LRRCC1: variants seen among roughly 807,000 people sequenced by gnomAD.
LRRCC1 encodes the protein leucine rich repeat and coiled-coil centrosomal protein 1, also known as leucine-rich repeat and coiled-coil domain-containing protein 1.
LRRCC1 carries 115 observed loss-of-function variants against 126.0 expected under a neutral mutation model. The ratio of observed to expected loss-of-function variants is 0.91; its 90% CI spans 0.78 to 1.07. The LOEUF (loss-of-function observed/expected upper bound fraction) is 1.07, where lower values mean the gene tolerates loss of function less well. LRRCC1 is among the 50% of genes least tolerant of loss of function. The probability of loss-of-function intolerance (pLI) is 0.00; values close to 1 mark genes in which losing one functional copy is unlikely to be tolerated. For synonymous variants in LRRCC1, 400 were observed against 393.4 expected (o/e 1.02, Z -0.20); for missense variants, 1,172 against 1,175.7 (o/e 1.00, Z 0.05).
chr8:85,139,559 C>T (rs1299796935), intron 17 of LRRCC1, among the ~76,000 whole-genome samples: 1 of 152,098 alleles, frequency 6.6e-6, no homozygotes, highest in Non-Finnish European at 1.5e-5. Context: ...AGCCACCACG[C>T]CCGGCCGAGA....
intron 6 of LRRCC1, among the ~76,000 whole-genome samples, chr8:85,122,382 A>G (rs1809626389): frequency 6.6e-6 from 1 of 151,860 alleles, no homozygotes; most frequent in South Asian, 2.1e-4. Flanking sequence ...AGACTTTTTG[A>G]TATTGTCTCA....
At chr8:85,112,561 T>C (rs1175544201) in intron 3 of LRRCC1, among the ~76,000 whole-genome samples, 2 of 152,222 alleles carry the variant, frequency 1.3e-5, no homozygotes, top group African/African-American at 4.8e-5. Context: ...AAAATTGAAG[T>C]GTACTACAGA....
Position 85,126,774 on chromosome 8 carries a change from A to C in LRRCC1, c.1358A>C (p.Glu453Ala). Reference protein sequence around the residue: ...AENKLMDYIDELHKHANEKED... With the variant: ...AENKLMDYIDALHKHANEKED... Reference sequence around the variant, plus strand: ...AATAAACTCATGGATTATATTGATGAGCTGCATAAACATGCAAATGAAAAA... The same window carrying C: ...AATAAACTCATGGATTATATTGATGCGCTGCATAAACATGCAAATGAAAAA... Residue 453 changes from glutamate to alanine, a missense_variant, in exon 9 of 19, where the codon GAG becomes GCG. Coordinates refer to ENST00000360375, the MANE Select transcript of LRRCC1 (RefSeq NM_033402.5). The C allele has an allele frequency of 6.2e-7, 1 of 1,612,906 alleles. No homozygotes were observed. The highest frequency in any genetic ancestry group is 8.5e-7 in the Non-Finnish European group (1 of 1,179,614).
chr8:85,126,935 C>T (rs1373142245), intron 9 of LRRCC1, 98 bp downstream of exon 9: 9 of 1,029,676 alleles, frequency 8.7e-6, no homozygotes, highest in Non-Finnish European at 1.2e-5. Context: ...CAATCAACAA[C>T]AATGTATGTG....
intron 12 of LRRCC1, among the ~76,000 whole-genome samples, chr8:85,132,458 T>C (rs1810554780): frequency 6.6e-6 from 1 of 150,376 alleles, no homozygotes; most frequent in East Asian, 2.0e-4. Flanking sequence ...AGTGGCATGA[T>C]CTTGGCTCAC....
Position 85,138,393 on chromosome 8 carries a change from C to G in LRRCC1, c.2758C>G (p.Gln920Glu). The change falls in exon 17 of 19, where the codon CAA (glutamine) becomes GAA (glutamate). Residue 920 changes from glutamine (Q) to glutamate (E), a missense_variant. Transcript: ENST00000360375. ...KGELLCHLETQVKEVKEKFEN... is the reference protein window; with the variant it reads ...KGELLCHLETEVKEVKEKFEN... ...AGAACTTCTATGTCATCTTGAAACACAAGTAAAAGAAGTGAAAGAAAAATT... is the reference window on the plus strand; with the variant it reads ...AGAACTTCTATGTCATCTTGAAACAGAAGTAAAAGAAGTGAAAGAAAAATT... The G allele has an allele frequency of 6.2e-7, 1 of 1,611,324 alleles. No homozygotes were observed. The highest frequency in any genetic ancestry group is 8.5e-7 in the Non-Finnish European group (1 of 1,178,552).
chr8:85,109,679 T>G lies in LRRCC1; in HGVS notation c.189T>G (p.His63Gln). ...TCTCCAAGATCGAAGCCATTGATCA[T>G]ATTTGGAATTTACAACATCTAGATC... The part of the protein sequence containing the change: ...NNISKIEAID[H>Q]IWNLQHLDLS... Residue 63 changes from histidine to glutamine, a missense_variant, in exon 2 of 19, where the codon CAT becomes CAG. His to Gln is a conservative substitution (Grantham distance 24). Transcript: ENST00000360375. 6.2e-7 allele frequency: 1 copy of G among 1,610,350 alleles called. No individual in the cohort carries two copies. Among genetic ancestry groups the G allele is most frequent in the Non-Finnish European group, 8.5e-7 (1 of 1,176,872 alleles).
chr8:85,127,543 T>G (rs893878556), intron 9 of LRRCC1, among the ~76,000 whole-genome samples: 5 of 152,190 alleles, frequency 3.3e-5, no homozygotes, highest in African/African-American at 1.2e-4. Flanking sequence ...AAGTTGCTCT[T>G]GGTTCCATTT....
intron 6 of LRRCC1, among the ~76,000 whole-genome samples, chr8:85,117,866 A>G (rs34103685): frequency 0.51 from 77,993 of 152,006 alleles, 23,613 homozygotes; most frequent in Non-Finnish European, 0.66. Flanking sequence ...CTTCCTAAAT[A>G]CTAAGCATGC....
In LRRCC1 at chr8:85,137,607, A is replaced by G. The variant is rs762522334; in HGVS notation, c.2473A>G (p.Thr825Ala). 2.7e-6 allele frequency: 4 copies of G among 1,467,082 alleles called. No individual in the cohort carries two copies. The Admixed American group carries it at 1.1e-4, about 39-fold the overall frequency. The allele number at this position is 1,467,082 out of a possible 1,614,324, so 90.9% of individuals were successfully genotyped here. A position where few individuals can be genotyped will look rare whatever the true frequency, so the allele number is the denominator to read the frequency against. ...KCKIIDDQTE[T>A]IRKLKDCLQE... ...CAAAATCATAGACGACCAAACTGAAACTATTAGAAAATTAAAAGATGTAAG... is the reference window on the plus strand; with the variant it reads ...CAAAATCATAGACGACCAAACTGAAGCTATTAGAAAATTAAAAGATGTAAG... Residue 825 changes from threonine to alanine, a missense_variant, in exon 15 of 19, where the codon ACT (threonine) becomes GCT (alanine). Coordinates refer to ENST00000360375, the MANE Select transcript of LRRCC1 (RefSeq NM_033402.5).
intron 1 of LRRCC1, chr8:85,107,748 G>A: frequency 5.7e-6 from 1 of 176,454 alleles, no homozygotes; most frequent in Admixed American, 6.2e-5. Context: ...CCGTTTAATT[G>A]CTGGTTTTCT....
At position 85,115,275 on chromosome 8, in the gene LRRCC1, G is replaced by A. The variant is rs934621913; in HGVS notation, c.720G>A (p.Glu240=). 1.3e-6 allele frequency: 2 copies of A among 1,584,532 alleles called. No homozygotes were observed. The highest frequency in any genetic ancestry group is 2.7e-5 in the African/African-American group (2 of 73,238). The change falls in exon 5 of 19, where the codon GAG becomes GAA. Residue 240 remains glutamate (E), a splice_region_variant and synonymous_variant. Coordinates refer to ENST00000360375, the MANE Select transcript of LRRCC1 (RefSeq NM_033402.5). ...CTCCCCTAAATATAAGTGAAGATGA[G>A]GTATAGTATTTACTTTTTTTTTCCT... ...SDSPLNISED[E]IIDRMPVITA...
intron 9 of LRRCC1, 104 bp downstream of exon 9, chr8:85,126,941 A>G: frequency 1.0e-6 from 1 of 990,924 alleles, no homozygotes; most frequent in Non-Finnish European, 1.4e-6. Flanking sequence ...ACAACAATGT[A>G]TGTGGTTTTA....
chr8:85,128,943 C>CT (rs1810223885), intron 9 of LRRCC1, among the ~76,000 whole-genome samples: 1 of 151,940 alleles, frequency 6.6e-6, no homozygotes, highest in Non-Finnish European at 1.5e-5. Flanking sequence ...AAACTGTTAC[C>CT]TTTCTTTAGG....
Position 85,115,280 on chromosome 8 carries a change from A to C in LRRCC1, c.720+5A>C, listed in dbSNP as rs773769363. On this transcript the variant is annotated splice_donor_5th_base_variant and intron_variant, in intron 5 of 18. Coordinates refer to ENST00000360375, the MANE Select transcript of LRRCC1 (RefSeq NM_033402.5). ...CTAAATATAAGTGAAGATGAGGTAT[A>C]GTATTTACTTTTTTTTTCCTAATAT... The C allele has an allele frequency of 1.6e-5, 26 of 1,579,880 alleles. No homozygotes were observed. Among genetic ancestry groups the C allele is most frequent in the Non-Finnish European group, 2.2e-5 (26 of 1,162,860 alleles).
Position 85,135,918 on chromosome 8 carries a change from T to G in LRRCC1, c.2284T>G (p.Leu762Val). The change falls in exon 14 of 19, where the codon TTA (leucine) becomes GTA (valine). Residue 762 changes from leucine to valine, a missense_variant. Coordinates refer to ENST00000360375, the MANE Select transcript of LRRCC1 (RefSeq NM_033402.5). ...LAAKESLIFG[L>V]RTERKVWGHE... ...AGCCAAGGAATCACTAATATTTGGT[T>G]TAAGGACAGAAAGAAAAGTATGGGG... is the stretch of plus-strand genomic sequence containing the variant. 6.2e-7 allele frequency: 1 copy of G among 1,605,234 alleles called. No individual in the cohort carries two copies. The highest frequency in any genetic ancestry group is 8.5e-7 in the Non-Finnish European group (1 of 1,175,844).
At position 85,141,460 on chromosome 8, in the gene LRRCC1, T is replaced by A. The variant is rs758402561; in HGVS notation, c.2919T>A (p.Ala973=). 1.2e-6 allele frequency: 2 copies of A among 1,613,554 alleles called. No individual in the cohort carries two copies. The highest frequency in any genetic ancestry group is 2.2e-5 in the South Asian group (2 of 91,042). ...ATGCAATTGTTGAAGCTCATCAAGC[T>A]GAAATAGCACAGCTGGCCAATGAAA... ...QVDAIVEAHQ[A]EIAQLANEKQ... The change falls in exon 18 of 19, where the codon GCT becomes GCA. Residue 973 remains alanine (A), a synonymous_variant. Transcript: ENST00000360375.
intron 13 of LRRCC1, among the ~76,000 whole-genome samples, chr8:85,135,460 T>C (rs1810783673): frequency 6.6e-6 from 1 of 152,184 alleles, no homozygotes; most frequent in South Asian, 2.1e-4. Context: ...TAAACATTAA[T>C]GCTATTTTAC....
At chr8:85,132,316 C>T (rs1255674807) in intron 12 of LRRCC1, among the ~76,000 whole-genome samples, 2 of 147,956 alleles carry the variant, frequency 1.4e-5, no homozygotes, top group Non-Finnish European at 3.0e-5. Context: ...GAGCCATGCT[C>T]ATTTTTTACA....
Sources: allele counts gnomAD v4.1 joint callset (sites outside exome capture counted in the v4.1 genomes callset), GRCh38; gene constraint gnomAD v4.1.1; transcripts MANE v1.5; gene names NCBI Gene and HGNC (gene_info 2026-07-23, HGNC 2026-07-21).